Variants in NLGN1 observed in about 807,000 individuals in gnomAD.
NLGN1 encodes the protein neuroligin 1.
NLGN1 carries 12 observed loss-of-function variants against 65.5 expected under a neutral mutation model. That is an observed-to-expected ratio of 0.18 (90% CI 0.12 to 0.30). The LOEUF is 0.30. Among genes scored for constraint, NLGN1 ranks in the 10% least tolerant of loss-of-function variants. The pLI, the probability that NLGN1 is intolerant of heterozygous loss-of-function variation, is 1.00. For missense variants in NLGN1, 750 were observed against 1,007.1 expected (o/e 0.74, Z 3.46); for synonymous variants, 350 against 359.5 (o/e 0.97, Z 0.30).
At chr3:173,789,682 C>G (rs1712211012) in intron 3 of NLGN1, among the ~76,000 whole-genome samples, 1 of 152,204 alleles carries the variant, frequency 6.6e-6, no homozygotes, top group Admixed American at 6.5e-5. Flanking sequence ...GATGAGCCCT[C>G]TCATGCTGGT....
At chr3:173,868,186 T>G (rs1730546131) in intron 4 of NLGN1, among the ~76,000 whole-genome samples, 1 of 152,156 alleles carries the variant, frequency 6.6e-6, no homozygotes, top group Admixed American at 6.6e-5. Flanking sequence ...GTGGGCTGAT[T>G]ACTTAGTGGA....
intron 3 of NLGN1, among the ~76,000 whole-genome samples, chr3:173,777,081 G>A (rs143642973): frequency 1.6e-3 from 239 of 151,964 alleles, no homozygotes; most frequent in African/African-American, 5.3e-3. Flanking sequence ...CTTGGCTTAC[G>A]CAAGTTATTT....
intron 3 of NLGN1, among the ~76,000 whole-genome samples, chr3:173,804,409 G>A (rs533974925): frequency 1.3e-5 from 2 of 152,014 alleles, no homozygotes; most frequent in African/African-American, 4.8e-5. Flanking sequence ...TTTATAGGTG[G>A]TTAAATATGT....
intron 4 of NLGN1, among the ~76,000 whole-genome samples, chr3:173,934,188 T>A (rs1346495835): frequency 6.7e-6 from 1 of 150,294 alleles, no homozygotes; most frequent in Non-Finnish European, 1.5e-5. Flanking sequence ...TTTTGCATTC[T>A]GTGGCAGGTA....
chr3:174,293,269 T>TA, the NLGN1 span, among the ~76,000 whole-genome samples: 46 of 151,586 alleles, frequency 3.0e-4, no homozygotes, highest in African/African-American at 1.1e-3. Flanking sequence ...GGGTGTTTTT[T>TA]ACCTGAGCCT....
chr3:173,918,630 CAAAA>C (rs558281371), intron 4 of NLGN1, among the ~76,000 whole-genome samples: 32 of 61,460 alleles, frequency 5.2e-4, no homozygotes, highest in African/African-American at 1.2e-3. Context: ...GACTCCATCT[CAAAA>C]AAAAAAAAAA....
At chr3:174,136,122 C>T (rs1721161696) in intron 4 of NLGN1, among the ~76,000 whole-genome samples, 1 of 152,068 alleles carries the variant, frequency 6.6e-6, no homozygotes, top group Admixed American at 6.5e-5. Flanking sequence ...TGGAACAGTC[C>T]TCAATTTCTG....
intron 4 of NLGN1, among the ~76,000 whole-genome samples, chr3:173,902,974 A>G (rs1401763085): frequency 1.3e-5 from 2 of 152,142 alleles, no homozygotes; most frequent in Non-Finnish European, 2.9e-5. Context: ...TTACTGCTAT[A>G]ATCAAAATGC....
At chr3:173,894,246 A>C (rs1000143472) in intron 4 of NLGN1, among the ~76,000 whole-genome samples, 19 of 152,200 alleles carry the variant, frequency 1.2e-4, no homozygotes, top group African/African-American at 4.6e-4. Context: ...ACTAGAGGCC[A>C]ACATCAAACA....
intron 3 of NLGN1, among the ~76,000 whole-genome samples, chr3:173,726,134 C>T (rs1771733949): frequency 6.6e-6 from 1 of 151,642 alleles, no homozygotes; most frequent in Non-Finnish European, 1.5e-5. Flanking sequence ...TTTGTTATGC[C>T]CCTACTCAGA....
chr3:174,112,935 A>G (rs1221390861), intron 4 of NLGN1, among the ~76,000 whole-genome samples: 2 of 151,846 alleles, frequency 1.3e-5, no homozygotes, highest in African/African-American at 2.4e-5. Context: ...CAAACCAAAA[A>G]TCTTTATGGC....
intron 3 of NLGN1, among the ~76,000 whole-genome samples, chr3:173,801,460 A>G (rs1013167682): frequency 7.9e-5 from 12 of 152,176 alleles, no homozygotes; most frequent in African/African-American, 2.6e-4. Flanking sequence ...ATCTACAACA[A>G]GGACAGCAAA....
At chr3:173,480,549 A>T (rs1727101444) in intron 2 of NLGN1, among the ~76,000 whole-genome samples, 1 of 152,170 alleles carries the variant, frequency 6.6e-6, no homozygotes, top group African/African-American at 2.4e-5. Context: ...ACTAAGACAG[A>T]TTTATAGCAG....
chr3:174,054,353 C>A (rs1261817845), intron 4 of NLGN1, among the ~76,000 whole-genome samples: 1 of 151,918 alleles, frequency 6.6e-6, no homozygotes, highest in Admixed American at 6.6e-5. Flanking sequence ...ACAGTAAAGA[C>A]CTAGGCAGTT....
rs528798966 is a variant in NLGN1 at position 173,410,836 on chromosome 3, T to G, written c.-390+12349T>G. ...TTATCCCAAAGTTATTTTCTGCATTTCAATTCTGATTTTTAAACTCTGGCA... is the reference window on the plus strand; with the variant it reads ...TTATCCCAAAGTTATTTTCTGCATTGCAATTCTGATTTTTAAACTCTGGCA... On this transcript the variant is annotated intron_variant, in intron 1 of 6. Transcript: ENST00000457714. 2.0e-4 allele frequency among the ~76,000 whole-genome samples: 30 copies of G among 152,364 alleles called. No individual in the cohort carries two copies. In the South Asian group the frequency reaches 5.0e-3, roughly 25 times the overall value.
At chr3:173,539,619 T>C (rs1222793292) in intron 2 of NLGN1, among the ~76,000 whole-genome samples, 6 of 61,574 alleles carry the variant, frequency 9.7e-5, no homozygotes, top group African/African-American at 3.0e-4. Flanking sequence ...TTATATATTA[T>C]ATATTTATAT....
At chr3:173,506,947 A>G (rs539948341) in intron 2 of NLGN1, among the ~76,000 whole-genome samples, 280 of 152,290 alleles carry the variant, frequency 1.8e-3, no homozygotes, top group African/African-American at 6.6e-3. Context: ...CTCAGTTGTA[A>G]CACTTGGTTT....
At chr3:173,523,429 G>A (rs1039068616) in intron 2 of NLGN1, among the ~76,000 whole-genome samples, 1 of 151,622 alleles carries the variant, frequency 6.6e-6, no homozygotes, top group African/African-American at 2.4e-5. Context: ...GTTAATTTTT[G>A]TATATGATGA....
chr3:173,858,956 A>G (rs981108749), intron 4 of NLGN1, among the ~76,000 whole-genome samples: 5 of 152,072 alleles, frequency 3.3e-5, no homozygotes, highest in African/African-American at 9.7e-5. Context: ...TTTTGTCTAA[A>G]ATAAAACTTT....
Sources: gnomAD v4.1 joint callset for allele counts (sites outside exome capture counted in the v4.1 genomes callset) on GRCh38, gnomAD v4.1.1 for gene constraint, MANE v1.5 for transcripts, NCBI Gene and HGNC (gene_info 2026-07-23, HGNC 2026-07-21) for gene names.